Variants in ATP2B2 observed in about 807,000 individuals in gnomAD.
ATP2B2 encodes the protein ATPase plasma membrane Ca2+ transporting 2, also known as plasma membrane calcium-transporting ATPase 2.
Under a neutral mutation model 120.0 loss-of-function variants are expected in ATP2B2, and 15 were observed. The ratio of observed to expected loss-of-function variants is 0.12; its 90% CI spans 0.08 to 0.19. ATP2B2 has a LOEUF of 0.19. Among genes scored for constraint, ATP2B2 ranks in the 10% least tolerant of loss-of-function variants. The pLI, the probability that ATP2B2 is intolerant of heterozygous loss-of-function variation, is 1.00. For synonymous variants in ATP2B2, 694 were observed against 700.3 expected (o/e 0.99, Z 0.14); for missense variants, 1,045 against 1,719.8 (o/e 0.61, Z 6.94).
intron 1 of ATP2B2, among the ~76,000 whole-genome samples, chr3:10,489,359 C>A (rs746210286): frequency 6.6e-6 from 1 of 152,228 alleles, no homozygotes; most frequent in African/African-American, 2.4e-5. Context: ...CACTGCCTGG[C>A]ACACAGTAGG....
chr3:10,596,974 GGCACAC>G (rs1377077922), intron 2 of ATP2B2, among the ~76,000 whole-genome samples: 1 of 151,796 alleles, frequency 6.6e-6, no homozygotes, highest in African/African-American at 2.4e-5. Flanking sequence ...CACACACACA[GGCACAC>G]GCACACGCAG....
rs573593209 is a variant in ATP2B2 at position 10,641,774 on chromosome 3, C to T, written c.-459-21813G>A. On this transcript the variant is annotated intron_variant, in intron 1 of 21. Transcript: ENST00000646379. ...GCATGGAGATGTTCCCGGGGAGAAG[C>T]GAAGTCTAAAAGTGTAGGAGAGAAA... Among the ~76,000 whole-genome samples the T allele has an allele frequency of 1.2e-3, 184 of 152,188 alleles. 2 individuals carry two copies. The highest frequency in any genetic ancestry group is 3.4e-3 in the Middle Eastern group (1 of 294).
intron 1 of ATP2B2, among the ~76,000 whole-genome samples, chr3:10,685,290 G>A (rs959101888): frequency 1.3e-5 from 2 of 152,170 alleles, no homozygotes; most frequent in African/African-American, 4.8e-5. Context: ...AAGTGTGCTC[G>A]CTGGGACCAG....
intron 1 of ATP2B2, among the ~76,000 whole-genome samples, chr3:10,495,470 A>C (rs1461901605): frequency 6.6e-6 from 1 of 152,210 alleles, no homozygotes; most frequent in African/African-American, 2.4e-5. Context: ...AGAGTAAAGG[A>C]AACTTTTGCA....
At chr3:10,415,099 G>C (rs929602917) in intron 2 of ATP2B2, among the ~76,000 whole-genome samples, 2 of 152,194 alleles carry the variant, frequency 1.3e-5, no homozygotes, top group African/African-American at 4.8e-5. Context: ...GGTGGGGTTT[G>C]AACTTGGATG....
chr3:10,653,365 G>A (rs1331616869), intron 1 of ATP2B2, among the ~76,000 whole-genome samples: 5 of 152,146 alleles, frequency 3.3e-5, no homozygotes, highest in Non-Finnish European at 7.3e-5. Flanking sequence ...ATTGGCTGTG[G>A]GTGAATTTGC....
chr3:10,538,787 C>T (rs2067372336), intron 2 of ATP2B2, among the ~76,000 whole-genome samples: 1 of 152,148 alleles, frequency 6.6e-6, no homozygotes, highest in African/African-American at 2.4e-5. Context: ...TGGGCAAAAA[C>T]TGGAAGCATT....
In ATP2B2 at chr3:10,372,063, G is replaced by C; in HGVS notation, c.1417-12C>G. 1 of 1,614,066 alleles carries C rather than the reference G, an allele frequency of 6.2e-7. No individual in the cohort carries two copies. The highest frequency in any genetic ancestry group is 2.2e-5 in the East Asian group (1 of 44,890). ...TCCTTCATCATTTTCTGGGAGAAGGGGCAGGTGAGAGGGCAACAGTGAGGA... is the reference window on the plus strand; with the variant it reads ...TCCTTCATCATTTTCTGGGAGAAGGCGCAGGTGAGAGGGCAACAGTGAGGA... On this transcript the variant is annotated splice_polypyrimidine_tract_variant and intron_variant, in intron 11 of 22. Coordinates refer to ENST00000360273, the MANE Select transcript of ATP2B2 (RefSeq NM_001001331.4).
intron 1 of ATP2B2, among the ~76,000 whole-genome samples, chr3:10,629,244 C>A (rs2069794013): frequency 6.6e-6 from 1 of 152,238 alleles, no homozygotes; most frequent in African/African-American, 2.4e-5. Context: ...AGAGCGTCAC[C>A]TGGCTCGACC....
intron 1 of ATP2B2, among the ~76,000 whole-genome samples, chr3:10,479,342 T>C (rs1173939511): frequency 6.6e-6 from 1 of 151,760 alleles, no homozygotes; most frequent in Non-Finnish European, 1.5e-5. Context: ...CCCCACCACA[T>C]GGCCTTTGTC....
At chr3:10,501,599 G>C (rs926235391) in intron 1 of ATP2B2, among the ~76,000 whole-genome samples, 1 of 152,152 alleles carries the variant, frequency 6.6e-6, no homozygotes, top group Non-Finnish European at 1.5e-5. Context: ...GCTCCCAGCT[G>C]TCTGCTGAGA....
At chr3:10,450,915 A>G (rs1182214926) in intron 1 of ATP2B2, among the ~76,000 whole-genome samples, 2 of 152,172 alleles carry the variant, frequency 1.3e-5, no homozygotes, top group Non-Finnish European at 2.9e-5. Flanking sequence ...GGTCTGGCAC[A>G]GGGAGTGGCC....
chr3:10,536,074 G>A (rs1414283833), intron 2 of ATP2B2, among the ~76,000 whole-genome samples: 1 of 152,050 alleles, frequency 6.6e-6, no homozygotes, highest in Non-Finnish European at 1.5e-5. Flanking sequence ...ATTCTGATAG[G>A]TGTGTAATAA....
At chr3:10,377,583 A>C (rs2061416412) in intron 10 of ATP2B2, among the ~76,000 whole-genome samples, 1 of 152,244 alleles carries the variant, frequency 6.6e-6, no homozygotes, top group African/African-American at 2.4e-5. Flanking sequence ...GGCTGTCACC[A>C]GCCATCACCT....
intron 1 of ATP2B2, among the ~76,000 whole-genome samples, chr3:10,483,181 G>T (rs1484216393): frequency 2.0e-5 from 3 of 152,248 alleles, no homozygotes; most frequent in African/African-American, 7.2e-5. Flanking sequence ...TCTGGAGTCA[G>T]ACCCTGCACA....
At chr3:10,606,250 C>A (rs1025349888) in intron 2 of ATP2B2, among the ~76,000 whole-genome samples, 1 of 152,190 alleles carries the variant, frequency 6.6e-6, no homozygotes, top group East Asian at 1.9e-4. Flanking sequence ...ACGCAGCTCT[C>A]TGAGCCTCAG....
chr3:10,609,891 C>T (rs1479642930), intron 2 of ATP2B2, among the ~76,000 whole-genome samples: 1 of 151,962 alleles, frequency 6.6e-6, no homozygotes, highest in Admixed American at 6.5e-5. Flanking sequence ...ACTGCAGCTC[C>T]CTCTCTCCCA....
intron 2 of ATP2B2, among the ~76,000 whole-genome samples, chr3:10,613,545 T>C (rs1211854164): frequency 6.6e-6 from 1 of 152,088 alleles, no homozygotes; most frequent in African/African-American, 2.4e-5. Flanking sequence ...ACACCATTGG[T>C]GTCAAAACAC....
chr3:10,529,440 C>T (rs1485157337), intron 3 of ATP2B2, among the ~76,000 whole-genome samples: 4 of 152,204 alleles, frequency 2.6e-5, no homozygotes, highest in Admixed American at 1.3e-4. Flanking sequence ...TTCAAACTTA[C>T]AGGCTCTTTA....
Sources: gnomAD v4.1 joint callset for allele counts (sites outside exome capture counted in the v4.1 genomes callset) on GRCh38, gnomAD v4.1.1 for gene constraint, MANE v1.5 for transcripts, NCBI Gene and HGNC (gene_info 2026-07-23, HGNC 2026-07-21) for gene names.